The following ING1 variants were observed in gnomAD, a reference collection of about 807,000 sequenced individuals.
ING1 encodes inhibitor of growth protein 1.
Under a neutral mutation model 23.1 loss-of-function variants are expected in ING1, and 4 were observed. The observed-to-expected ratio is 0.17, with a 90% CI of 0.09 to 0.40. The LOEUF (loss-of-function observed/expected upper bound fraction) is 0.40. Ranked by LOEUF, ING1 falls within the 10% of genes least tolerant of loss-of-function variation. The pLI, the probability that ING1 is intolerant of heterozygous loss-of-function variation, is 1.00. For synonymous variants in ING1, 179 were observed against 166.4 expected, an observed-to-expected ratio of 1.08 and a Z score of -0.58; for missense variants, 256 against 393.8, an observed-to-expected ratio of 0.65 and a Z score of 2.96.
chr13:110,712,662 G>C (rs1214282350), upstream of ING1: 1 of 631,514 alleles, frequency 1.6e-6, no homozygotes, highest in African/African-American at 1.8e-5. Flanking sequence ...GGTCCGGGGA[G>C]CTGAATGGCC....
intron 1 of ING1, among the ~76,000 whole-genome samples, chr13:110,716,961 C>T (rs547198486): frequency 6.6e-6 from 1 of 152,290 alleles, no homozygotes; most frequent in South Asian, 2.1e-4. Flanking sequence ...AACAGAAATA[C>T]TTCTTGGTAA....
At chr13:110,714,674 G>A (rs1433361573) in intron 1 of ING1, among the ~76,000 whole-genome samples, 1 of 152,222 alleles carries the variant, frequency 6.6e-6, no homozygotes, top group African/African-American at 2.4e-5. Context: ...GCGCCGAGAC[G>A]GGGCTGCAGG....
At chr13:110,716,567 A>C (rs1465083028) in intron 1 of ING1, among the ~76,000 whole-genome samples, 1 of 152,220 alleles carries the variant, frequency 6.6e-6, no homozygotes, top group African/African-American at 2.4e-5. Flanking sequence ...ATGGTGTTTG[A>C]GGTTGCTTGA....
upstream of ING1, chr13:110,713,253 G>A: frequency 7.4e-7 from 1 of 1,347,446 alleles, no homozygotes; most frequent in Non-Finnish European, 9.5e-7. Context: ...CTGTGGGGCG[G>A]GGACGAAGAG....
chr13:110,714,464 T>C (rs1184313564), intron 1 of ING1, among the ~76,000 whole-genome samples, 179 bp downstream of exon 1: 3 of 151,632 alleles, frequency 2.0e-5, no homozygotes, highest in African/African-American at 7.3e-5. Context: ...AAGGTCCTTG[T>C]GTGCAAAGCC....
rs1216493831 is a variant in ING1 at position 110,714,140 on chromosome 13, G to A, written c.-10G>A. 12 of 1,526,628 alleles carry A rather than the reference G, an allele frequency of 7.9e-6. No individual in the cohort carries two copies. The highest frequency in any genetic ancestry group is 1.1e-5 in the Non-Finnish European group (12 of 1,136,528). The allele number at this position is 1,526,628 out of a possible 1,614,324, so 94.6% of individuals were successfully genotyped here. ...CCGCGCCGAGTCGCCGGGGACCTCC[G>A]GGGTGAACCATGTTGAGTCCTGCCA... On this transcript the variant is annotated 5_prime_UTR_variant, in exon 1 of 2. Coordinates refer to ENST00000333219, the MANE Select transcript of ING1 (RefSeq NM_198219.3).
chr13:110,722,492 A>G lies in ING1; in HGVS notation c.*2560A>G, dbSNP rs377516928. 1.4e-4 allele frequency: 22 copies of G among 152,344 alleles called. No individual in the cohort carries two copies. Among genetic ancestry groups the G allele is most frequent in the African/African-American group, 5.3e-4 (22 of 41,586 alleles). The allele number at this position is 152,344 out of a possible 1,614,324, so 9.4% of individuals were successfully genotyped here. A position where few individuals can be genotyped will look rare whatever the true frequency, so the allele number is the denominator to read the frequency against. ...GCTCATCCTGGATTTCTTCATATTC[A>G]GTTTTGGTGTAGACAACTGGTGAAG... On this transcript the variant is annotated 3_prime_UTR_variant, in exon 2 of 2. Transcript: ENST00000333219.
chr13:110,713,654 T>A (rs2064068151), upstream of ING1: 1 of 985,438 alleles, frequency 1.0e-6, no homozygotes. Flanking sequence ...GCATGCGCGC[T>A]GCGCAGCGGG....
upstream of ING1, chr13:110,713,237 A>G (rs186870680): frequency 1.9e-3 from 2,663 of 1,397,950 alleles, 3 homozygotes; most frequent in Admixed American, 2.5e-3. Context: ...CCCTACTTAT[A>G]CTGCTCTGTG....
intron 1 of ING1, chr13:110,716,137 T>C: frequency 1.1e-6 from 1 of 948,060 alleles, no homozygotes; most frequent in Non-Finnish European, 1.5e-6. Context: ...AGGCAGGGGC[T>C]GAGACCACTT....
intron 1 of ING1, chr13:110,715,149 T>C (rs1260589485): frequency 1.7e-6 from 2 of 1,150,726 alleles, no homozygotes; most frequent in Non-Finnish European, 2.1e-6. Flanking sequence ...CCGGGAATTG[T>C]TGGCTGTTGG....
rs2064180777 is a variant in ING1, at chr13:110,722,941, C to A, written c.*3009C>A. The A allele has an allele frequency of 6.6e-6, 1 of 152,074 alleles. No homozygotes were observed. The highest frequency in any genetic ancestry group is 1.5e-5 in the Non-Finnish European group (1 of 68,028). 9.4% of individuals were successfully genotyped at this position (152,074 alleles called of 1,614,324 possible). On this transcript the variant is annotated 3_prime_UTR_variant, in exon 2 of 2. Transcript: ENST00000333219. The stretch of plus-strand genomic sequence containing the variant: ...ATGAGGACAAAAATGGTACTGAATT[C>A]TTTTTGAAAAATAGATTACTGAAAA...
rs750037611 is a variant in ING1 at position 110,720,014 on chromosome 13, G to T, written c.*82G>T. 6.4e-5 allele frequency: 61 copies of T among 957,038 alleles called. No homozygotes were observed. The highest frequency in any genetic ancestry group is 9.1e-5 in the Non-Finnish European group (60 of 657,348). The allele number at this position is 957,038 out of a possible 1,614,324, so 59.3% of individuals were successfully genotyped here. A position where few individuals can be genotyped will look rare whatever the true frequency, so the allele number is the denominator to read the frequency against. On this transcript the variant is annotated 3_prime_UTR_variant, in exon 2 of 2. Transcript: ENST00000333219. Reference sequence around the variant, plus strand: ...TGCTGCCTTTGTTGAGGTGCAAGGAGTGTAAAATGTATATTTTTAAAGAAT... The same window carrying T: ...TGCTGCCTTTGTTGAGGTGCAAGGATTGTAAAATGTATATTTTTAAAGAAT...
rs974837975 is a variant in ING1, at chr13:110,722,776, C to T, written c.*2844C>T. 4 of 151,892 alleles carry T rather than the reference C, an allele frequency of 2.6e-5. No homozygotes were observed. Among genetic ancestry groups the T allele is most frequent in the African/African-American group, 4.8e-5 (2 of 41,338 alleles). The allele number at this position is 151,892 out of a possible 1,614,324, so 9.4% of individuals were successfully genotyped here. A position where few individuals can be genotyped will look rare whatever the true frequency, so the allele number is the denominator to read the frequency against. ...AAAAAAAATAGATACAATACAGAGT[C>T]GTGTTGGACTGGCAGTCTTAAATCA... On this transcript the variant is annotated 3_prime_UTR_variant, in exon 2 of 2. Coordinates refer to ENST00000333219, the MANE Select transcript of ING1 (RefSeq NM_198219.3).
chr13:110,714,255 C>G lies in ING1; in HGVS notation c.106C>G (p.Leu36Val). 3.8e-6 allele frequency: 6 copies of G among 1,575,404 alleles called. No individual in the cohort carries two copies. The South Asian group carries it at 6.9e-5, about 18-fold the overall frequency. Residue 36 changes from leucine to valine, a missense_variant, in exon 1 of 2, where the codon CTG (leucine) becomes GTG (valine). Transcript: ENST00000333219. The part of the protein sequence containing the change: ...LPFDLQRNVS[L>V]MREIDAKYQE... ...TTTCGACTTGCAGAGAAATGTCTCG[C>G]TGATGCGGGAGATCGACGCGAAATA...
chr13:110,719,452 C>G lies in ING1; in HGVS notation c.360C>G (p.Gly120=). 1.2e-6 allele frequency: 2 copies of G among 1,612,600 alleles called. No individual in the cohort carries two copies. Among genetic ancestry groups the G allele is most frequent in the South Asian group, 1.1e-5 (1 of 91,054 alleles). The change falls in exon 2 of 2, where the codon GGC becomes GGG. Residue 120 remains glycine (G), a synonymous_variant. Coordinates refer to ENST00000333219, the MANE Select transcript of ING1 (RefSeq NM_198219.3). This position sits in a 1 kb window ranked among gnomAD's most constrained non-coding sequence, Gnocchi z 8.9. ...TGTTCGAGGCGCAGCAGGAGCTGGG[C>G]GACACAGCGGGCAACAGCGGCAAGG... The part of the protein sequence containing the change: ...VELFEAQQEL[G]DTAGNSGKAG...
chr13:110,713,364 A>C (rs1047663665), upstream of ING1: 7 of 1,066,510 alleles, frequency 6.6e-6, no homozygotes, highest in Non-Finnish European at 5.7e-6. Flanking sequence ...TCAGCGAAGC[A>C]GGCCGCTCCC....
In ING1 at chr13:110,714,034, G is replaced by T; in HGVS notation, c.-116G>T. 8.2e-7 allele frequency: 1 copy of T among 1,219,074 alleles called. No homozygotes were observed. The highest frequency in any genetic ancestry group is 1.0e-6 in the Non-Finnish European group (1 of 974,654). 75.5% of individuals were successfully genotyped at this position (1,219,074 alleles called of 1,614,324 possible). ...CCGCCGGGCCGAAGCAGGAGCCGGC[G>T]GGGGGGCGCCGGGAGAGCGAGGGCT... On this transcript the variant is annotated 5_prime_UTR_variant, in exon 1 of 2. Transcript: ENST00000333219.
rs531716920 is a variant in ING1, at chr13:110,715,342, C to T, written c.136+1057C>T. On this transcript the variant is annotated intron_variant, in intron 1 of 1. Transcript: ENST00000333219. ...TAGACGCCTCTGCCGGGAAGGCGCC[C>T]CTGCGCGTTCTATCCGAGACGTAGC... 115 of 1,460,518 alleles carry T rather than the reference C, an allele frequency of 7.9e-5. No homozygotes were observed. The African/African-American group carries it at 1.6e-3, about 20-fold the overall frequency. The allele number at this position is 1,460,518 out of a possible 1,614,324, so 90.5% of individuals were successfully genotyped here. A position where few individuals can be genotyped will look rare whatever the true frequency, so the allele number is the denominator to read the frequency against.
Sources: gnomAD v4.1 joint callset for allele counts (sites outside exome capture counted in the v4.1 genomes callset) on GRCh38, gnomAD v4.1.1 for gene constraint, Gnocchi (gnomAD v3.1) non-coding constraint, MANE v1.5 for transcripts, NCBI Gene and HGNC (gene_info 2026-07-23, HGNC 2026-07-21) for gene names.